The following DMD variants were observed in gnomAD, a reference collection of about 807,000 sequenced individuals.
DMD encodes the protein dystrophin.
A neutral mutation model predicts 330.1 loss-of-function variants in DMD; 63 were observed. The ratio of observed to expected loss-of-function variants is 0.19; its 90% CI spans 0.16 to 0.24. DMD has a LOEUF of 0.24. DMD is among the 10% of genes least tolerant of loss of function. The pLI is 1.00. For synonymous variants in DMD, 1,223 were observed against 959.8 expected (o/e 1.27, Z -5.07); for missense variants, 3,344 against 2,684.1 (o/e 1.25, Z -5.43).
At chrX:32,642,772 G>C (rs1260328642) in intron 11 of DMD, among the ~76,000 whole-genome samples, 6 of 111,291 alleles carry the variant, frequency 5.4e-5, no homozygotes, top group Non-Finnish European at 1.1e-4. Flanking sequence ...ATTGAAAATG[G>C]GGAGTGTAAG....
intron 41 of DMD, among the ~76,000 whole-genome samples, chrX:32,319,753 C>T (rs1044451563): frequency 9.1e-6 from 1 of 110,326 alleles, no homozygotes; most frequent in Admixed American, 9.7e-5. Context: ...GACATATAGA[C>T]GATATTAAGA....
At chrX:31,958,955 C>T (rs2095273460) in intron 45 of DMD, among the ~76,000 whole-genome samples, 1 of 111,317 alleles carries the variant, frequency 9.0e-6, no homozygotes, top group Admixed American at 9.6e-5. Flanking sequence ...TATTTCCTAT[C>T]CTGACTAACA....
chrX:32,076,086 AAG>A (rs1569540031), intron 44 of DMD, among the ~76,000 whole-genome samples: 44 of 82,309 alleles, frequency 5.3e-4, no homozygotes, highest in South Asian at 1.5e-3. Context: ...AAAAAAAAAA[AAG>A]AGAGAGAGAG....
At chrX:31,122,041 C>T in intron 78 of DMD, 111 bp from the exon 79 acceptor site, 1 of 607,466 alleles carries the variant, frequency 1.6e-6, no homozygotes, top group Non-Finnish European at 2.8e-6. Context: ...GTGAAGACAA[C>T]ACAGAAGCTG....
chrX:32,760,771 T>C (rs1359991398), intron 7 of DMD, among the ~76,000 whole-genome samples: 1 of 112,084 alleles, frequency 8.9e-6, no homozygotes, highest in Non-Finnish European at 1.9e-5. Flanking sequence ...TTAGTCAAAA[T>C]GTCTTTAATG....
At chrX:32,205,055 A>G (rs1041263121) in intron 44 of DMD, among the ~76,000 whole-genome samples, 16 of 96,070 alleles carry the variant, frequency 1.7e-4, no homozygotes, top group African/African-American at 6.4e-4. Context: ...ACACACACAC[A>G]GTCGCAATTA....
chrX:32,936,888 A>G (rs1175453636), intron 2 of DMD, among the ~76,000 whole-genome samples: 1 of 112,001 alleles, frequency 8.9e-6, no homozygotes, highest in African/African-American at 3.2e-5. Context: ...AGTCTCCTAC[A>G]CATTATCAAA....
intron 34 of DMD, among the ~76,000 whole-genome samples, chrX:32,370,038 C>A (rs941243010): frequency 9.0e-6 from 1 of 110,881 alleles, no homozygotes; most frequent in African/African-American, 3.3e-5. Context: ...AATATTATAC[C>A]ATTTCTGATC....
At chrX:32,416,389 A>C (rs12392232) in intron 29 of DMD, among the ~76,000 whole-genome samples, 29,784 of 111,020 alleles carry the variant, frequency 0.27, 4,994 homozygotes, top group African/African-American at 0.63. Flanking sequence ...GTGTTTAAAT[A>C]CTCATCATTG....
chrX:31,898,527 C>A (rs779216038), intron 47 of DMD, among the ~76,000 whole-genome samples: 1 of 111,478 alleles, frequency 9.0e-6, no homozygotes, highest in Non-Finnish European at 1.9e-5. Context: ...GAAAGGATTC[C>A]CTATTTAATA....
At chrX:32,093,597 C>T (rs2096488843) in intron 44 of DMD, among the ~76,000 whole-genome samples, 1 of 111,534 alleles carries the variant, frequency 9.0e-6, no homozygotes, top group Non-Finnish European at 1.9e-5. Context: ...TTATTAAAGT[C>T]ATAAAACATA....
intron 21 of DMD, among the ~76,000 whole-genome samples, chrX:32,479,138 T>C (rs1456235195): frequency 9.0e-6 from 1 of 111,589 alleles, no homozygotes; most frequent in African/African-American, 3.3e-5. Flanking sequence ...AAATATCATG[T>C]TAAACTATTT....
At chrX:32,820,211 G>A (rs1189744661) in intron 5 of DMD, among the ~76,000 whole-genome samples, 2 of 112,137 alleles carry the variant, frequency 1.8e-5, no homozygotes, top group African/African-American at 3.2e-5. Flanking sequence ...AGGCCGAGAC[G>A]GGCGGATCAC....
intron 13 of DMD, among the ~76,000 whole-genome samples, chrX:32,591,997 C>T (rs808553): frequency 7.2e-5 from 8 of 111,360 alleles, no homozygotes; most frequent in Non-Finnish European, 1.1e-4. Context: ...TGCTGCCTTG[C>T]GCCCGTCTGG....
At chrX:32,347,718 A>T (rs2097768658) in intron 38 of DMD, among the ~76,000 whole-genome samples, 1 of 111,893 alleles carries the variant, frequency 8.9e-6, no homozygotes, top group Non-Finnish European at 1.9e-5. Flanking sequence ...GAGGGGAAAA[A>T]ATTGTGAAAA....
At position 32,472,220 on chromosome X, in the gene DMD, G is replaced by T. The variant is rs1431281003; in HGVS notation, c.2893C>A (p.Pro965Thr). 5.8e-6 allele frequency: 7 copies of T among 1,210,781 alleles called. No individual in the cohort carries two copies. The East Asian group carries it at 2.1e-4, about 36-fold the overall frequency. ...TCATAGTCGGTGACACTAAGTTGAGGTATGGAGAGTTTGGTTTCTGACTGC... is the reference window on the plus strand; with the variant it reads ...TCATAGTCGGTGACACTAAGTTGAGTTATGGAGAGTTTGGTTTCTGACTGC... The part of the protein sequence containing the change: ...VQQSETKLSI[P>T]QLSVTDYEIM... Residue 965 changes from proline to threonine, a missense_variant, in exon 22 of 79, where the codon CCT (proline) becomes ACT (threonine). Physicochemically the swap from Pro to Thr is conservative, Grantham distance 38 (BLOSUM62 -1). Transcript: ENST00000357033.
At position 33,094,748 on chromosome X, in the gene DMD, C is replaced by T. The variant is rs761254665; in HGVS notation, c.32-74548G>A. ...GCTTGAACCTGGGAGGTGGAAGTTG[C>T]AGTGAGCTGAGATTGTGCCATTGCA... is the stretch of plus-strand genomic sequence containing the variant. On this transcript the variant is annotated intron_variant, in intron 1 of 78. Transcript: ENST00000357033. Among the ~76,000 whole-genome samples, 6 of 103,284 alleles carry T rather than the reference C, an allele frequency of 5.8e-5. No homozygotes were observed. The South Asian group carries it at 2.2e-3, about 38-fold the overall frequency. 89.7% of individuals were successfully genotyped at this position (103,284 alleles called of 115,157 possible).
At chrX:32,105,851 T>G (rs904234617) in intron 44 of DMD, among the ~76,000 whole-genome samples, 18 of 112,120 alleles carry the variant, frequency 1.6e-4, no homozygotes, top group Non-Finnish European at 3.0e-4. Context: ...GTAGCTAGAC[T>G]CTATTATGTT....
intron 34 of DMD, among the ~76,000 whole-genome samples, chrX:32,366,370 T>G (rs1457794628): frequency 8.9e-6 from 1 of 111,736 alleles, no homozygotes; most frequent in Non-Finnish European, 1.9e-5. Flanking sequence ...CCTTTCTCAA[T>G]AAGGTTAACA....
Sources: gnomAD v4.1 joint callset for allele counts (sites outside exome capture counted in the v4.1 genomes callset) on GRCh38, gnomAD v4.1.1 for gene constraint, MANE v1.5 for transcripts, NCBI Gene and HGNC (gene_info 2026-07-23, HGNC 2026-07-21) for gene names.